The following CDKN2B-AS1 variants were observed in gnomAD, a reference collection of about 807,000 sequenced individuals.
CDKN2B-AS1 encodes CDKN2B antisense RNA 1 (non-protein coding).
At chr9:22,108,117 G>A (rs1221299633) in intron 4 of CDKN2B-AS1, among the ~76,000 whole-genome samples, 1 of 151,988 alleles carries the variant, frequency 6.6e-6, no homozygotes, top group Non-Finnish European at 1.5e-5. Context: ...TATTAGTTTG[G>A]GCCTTCTATC....
chr9:22,050,249 A>G (rs1056300485), intron 3 of CDKN2B-AS1, among the ~76,000 whole-genome samples: 1 of 152,214 alleles, frequency 6.6e-6, no homozygotes, highest in Admixed American at 6.5e-5. Flanking sequence ...AGTAGGTTTT[A>G]TATTATCCTA....
chr9:22,072,418 A>G (rs1031393579), intron 4 of CDKN2B-AS1, among the ~76,000 whole-genome samples: 1 of 152,242 alleles, frequency 6.6e-6, no homozygotes, highest in Non-Finnish European at 1.5e-5. Context: ...TCATTTGAAG[A>G]GTCCAGGGGA....
At chr9:22,122,108 G>C (rs1014813623) in intron 4 of CDKN2B-AS1, among the ~76,000 whole-genome samples, 1 of 151,024 alleles carries the variant, frequency 6.6e-6, no homozygotes, top group Admixed American at 6.6e-5. Context: ...ACTGGGGTGA[G>C]ATGATACCTC....
At chr9:22,080,011 A>G (rs1168176962) in intron 4 of CDKN2B-AS1, among the ~76,000 whole-genome samples, 1 of 152,272 alleles carries the variant, frequency 6.6e-6, no homozygotes, top group Non-Finnish European at 1.5e-5. Context: ...AAAGGAGGCC[A>G]GACAGGAGGT....
At chr9:22,069,299 A>G (rs566468196) in intron 4 of CDKN2B-AS1, among the ~76,000 whole-genome samples, 2 of 152,024 alleles carry the variant, frequency 1.3e-5, no homozygotes, top group East Asian at 3.9e-4. Flanking sequence ...GAGGAGTAGC[A>G]GGAATATTAT....
intron 4 of CDKN2B-AS1, among the ~76,000 whole-genome samples, chr9:22,104,831 C>A (rs1407952231): frequency 6.6e-6 from 1 of 152,150 alleles, no homozygotes; most frequent in East Asian, 1.9e-4. Context: ...ACTTGTGATG[C>A]AATATAATAG....
chr9:22,079,052 G>C (rs1324848667), intron 4 of CDKN2B-AS1, among the ~76,000 whole-genome samples: 1 of 152,158 alleles, frequency 6.6e-6, no homozygotes, highest in Non-Finnish European at 1.5e-5. Flanking sequence ...ATATCTGGAA[G>C]ATATTTTTCT....
At chr9:22,010,341 G>T (rs1008037072) in intron 1 of CDKN2B-AS1, among the ~76,000 whole-genome samples, 1 of 152,144 alleles carries the variant, frequency 6.6e-6, no homozygotes, top group African/African-American at 2.4e-5. Context: ...GAAGAGAACC[G>T]CAAGTTATGG....
chr9:22,122,594 A>G (rs72654297), intron 4 of CDKN2B-AS1, among the ~76,000 whole-genome samples: 6 of 152,136 alleles, frequency 3.9e-5, no homozygotes, highest in Non-Finnish European at 7.4e-5. Context: ...ACGGGAATCT[A>G]GTTTAATTCT....
chr9:22,018,918 TGAGA>T (rs1274083303), intron 1 of CDKN2B-AS1, among the ~76,000 whole-genome samples: 1 of 152,166 alleles, frequency 6.6e-6, no homozygotes, highest in African/African-American at 2.4e-5. Flanking sequence ...AAGTGCATAG[TGAGA>T]GAGCTGATCT....
intron 1 of CDKN2B-AS1, among the ~76,000 whole-genome samples, chr9:22,045,640 G>A (rs556165189): frequency 1.6e-4 from 24 of 152,208 alleles, no homozygotes; most frequent in African/African-American, 5.8e-4. Context: ...GGAGGAAGTG[G>A]TGGAATGCAT....
At chr9:22,003,361 A>G (rs1202398085) in intron 1 of CDKN2B-AS1, 1 of 224,698 alleles carries the variant, frequency 4.5e-6, no homozygotes, top group Non-Finnish European at 8.9e-6. Context: ...AGTTTCCCTT[A>G]ATATCAGGTT....
At chr9:22,088,149 G>C (rs183335778) in intron 4 of CDKN2B-AS1, among the ~76,000 whole-genome samples, 214 of 152,198 alleles carry the variant, frequency 1.4e-3, no homozygotes, top group African/African-American at 5.0e-3. Flanking sequence ...CTTAGGCCTG[G>C]CATCCCAAAC....
chr9:22,075,565 A>G (rs1824463486), intron 4 of CDKN2B-AS1, among the ~76,000 whole-genome samples: 1 of 152,170 alleles, frequency 6.6e-6, no homozygotes, highest in Non-Finnish European at 1.5e-5. Context: ...ACAACCCCCA[A>G]ATTGTGAGCT....
At chr9:22,077,262 T>G (rs1824533433) in intron 4 of CDKN2B-AS1, among the ~76,000 whole-genome samples, 1 of 128,532 alleles carries the variant, frequency 7.8e-6, no homozygotes, top group African/African-American at 4.7e-5. Context: ...ACTCAATATA[T>G]TTAAAGTATT....
chr9:22,051,186 C>G lies in CDKN2B-AS1; in HGVS notation n.302+1958C>G, dbSNP rs1823328980. Among the ~76,000 whole-genome samples, 3 of 152,128 alleles carry G rather than the reference C, an allele frequency of 2.0e-5. No individual in the cohort carries two copies. In the East Asian group the frequency reaches 5.8e-4, roughly 29 times the overall value. On this transcript the variant is annotated intron_variant and non_coding_transcript_variant, in intron 3 of 4. Transcript: ENST00000650946. ...TCAGCCTGCTCCTTTAAGGGGCCCC[C>G]TGAGCTGAAAATGAAAGAGACATTT...
chr9:22,093,780 A>T (rs1254126773), intron 4 of CDKN2B-AS1, among the ~76,000 whole-genome samples: 2 of 144,222 alleles, frequency 1.4e-5, no homozygotes, highest in African/African-American at 5.8e-5. Context: ...CCAATTTGCC[A>T]GTCTGTGTCT....
intron 1 of CDKN2B-AS1, among the ~76,000 whole-genome samples, chr9:22,041,768 G>T (rs1306028905): frequency 6.6e-6 from 1 of 151,932 alleles, no homozygotes; most frequent in African/African-American, 2.4e-5. Context: ...TCATCTACTT[G>T]AGAAGGAAAC....
At chr9:22,118,824 TTTG>T (rs1489455845) in intron 4 of CDKN2B-AS1, 4 of 152,204 alleles carry the variant, frequency 2.6e-5, no homozygotes, top group African/African-American at 9.6e-5. Flanking sequence ...TGGCCTTTGC[TTTG>T]TAGCATGCTG....
Sources: allele counts gnomAD v4.1 joint callset (sites outside exome capture counted in the v4.1 genomes callset), GRCh38; gene constraint gnomAD v4.1.1; transcripts MANE v1.5; gene names NCBI Gene and HGNC (gene_info 2026-07-23, HGNC 2026-07-21).